The following TIAM2 variants were observed in gnomAD, a reference collection of about 807,000 sequenced individuals.
The protein encoded by TIAM2 is TIAM Rac1 associated GEF 2, also known as rho guanine nucleotide exchange factor TIAM2.
In TIAM2, 80 loss-of-function variants were observed where a neutral mutation model predicts 152.9. The observed-to-expected ratio is 0.52, with a 90% CI of 0.44 to 0.63. The LOEUF is 0.63. Among genes scored for constraint, TIAM2 ranks in the 30% least tolerant of loss-of-function variants. The pLI is 0.00. For missense variants in TIAM2, 1,965 were observed against 2,120.1 expected (o/e 0.93, Z 1.44); for synonymous variants, 804 against 838.0 (o/e 0.96, Z 0.70).
In TIAM2 at chr6:155,028,822, T is replaced by C. The variant is rs555601484; in HGVS notation, c.-209+33330T>C. ...TGTTATATACTATATATAATATATA[T>C]ACTGTGTTATATATATACTATGTTA... On this transcript the variant is annotated intron_variant, in intron 1 of 26. Coordinates refer to ENST00000682666, the MANE Select transcript of TIAM2 (RefSeq NM_012454.4). 6.7e-5 allele frequency among the ~76,000 whole-genome samples: 9 copies of C among 134,870 alleles called. No homozygotes were observed. The East Asian group carries it at 1.5e-3, about 22-fold the overall frequency. The allele number at this position is 134,870 out of a possible 152,430, so 88.5% of individuals were successfully genotyped here.
chr6:155,146,432 G>A (rs1392516700), intron 6 of TIAM2, among the ~76,000 whole-genome samples: 1 of 152,052 alleles, frequency 6.6e-6, no homozygotes, highest in Non-Finnish European at 1.5e-5. Flanking sequence ...TGATCCCAGA[G>A]GCCACTTGAG....
intron 14 of TIAM2, among the ~76,000 whole-genome samples, chr6:155,198,787 T>A (rs1781412189): frequency 6.6e-6 from 1 of 152,144 alleles, no homozygotes; most frequent in Non-Finnish European, 1.5e-5. Flanking sequence ...GATTTCTTCT[T>A]TATAAATCTG....
chr6:155,047,798 C>T (rs56024333), intron 1 of TIAM2, among the ~76,000 whole-genome samples: 4,761 of 151,492 alleles, frequency 0.031, 229 homozygotes, highest in African/African-American at 0.11. Flanking sequence ...ACTACTTTTT[C>T]TCTCTTCACT....
chr6:155,109,671 T>A (rs1039277938), intron 2 of TIAM2, among the ~76,000 whole-genome samples: 5 of 152,132 alleles, frequency 3.3e-5, no homozygotes, highest in African/African-American at 1.2e-4. Flanking sequence ...TCCATAGTAT[T>A]GTAGAGATAG....
At chr6:155,158,537 C>A (rs987631097) in intron 7 of TIAM2, among the ~76,000 whole-genome samples, 8 of 151,640 alleles carry the variant, frequency 5.3e-5, no homozygotes, top group African/African-American at 1.7e-4. Flanking sequence ...AAAGCTCAAT[C>A]TATATAGAAG....
chr6:155,129,894 C>T lies in TIAM2; in HGVS notation c.671C>T (p.Pro224Leu). The change falls in exon 4 of 27, where the codon CCC becomes CTC. Residue 224 changes from proline to leucine, a missense_variant. By Grantham distance (98) the Pro-to-Leu change is moderately conservative (BLOSUM62 -3). Around this residue, in one of 3 missense-constraint regions of TIAM2, gnomAD observed 1,025 missense variants for 1,119.4 expected, o/e 0.92. Transcript: ENST00000682666. This position sits in a 1 kb window ranked among gnomAD's most constrained non-coding sequence, Gnocchi z 4.8. Reference protein sequence around the residue: ...ARRGSSADSLPSHRPSPTDSR... With the variant: ...ARRGSSADSLLSHRPSPTDSR... ...AGGGGGTCCAGCGCCGATTCCCTGC[C>T]CAGCCATCGCCCCTCTCCCACGGAC... The T allele has an allele frequency of 1.2e-6, 2 of 1,613,848 alleles. No individual in the cohort carries two copies. The highest frequency in any genetic ancestry group is 1.7e-6 in the Non-Finnish European group (2 of 1,180,030).
At chr6:155,014,435 G>C (rs563557868) in intron 1 of TIAM2, among the ~76,000 whole-genome samples, 85 of 152,136 alleles carry the variant, frequency 5.6e-4, no homozygotes, top group Middle Eastern at 3.4e-3. Context: ...GTTTTGTTTA[G>C]TTCACCGTAG....
intron 14 of TIAM2, among the ~76,000 whole-genome samples, chr6:155,208,522 G>A (rs1170818113): frequency 6.6e-6 from 1 of 151,864 alleles, no homozygotes; most frequent in African/African-American, 2.4e-5. Flanking sequence ...TGGACTCCCC[G>A]ACCACTGAAA....
chr6:155,187,560 C>A (rs1357904449), intron 14 of TIAM2, among the ~76,000 whole-genome samples: 2 of 125,088 alleles, frequency 1.6e-5, no homozygotes, highest in African/African-American at 5.9e-5. Flanking sequence ...CCCCCCCTCC[C>A]CCACCCCGCC....
At chr6:155,145,393 T>C (rs1779798939) in intron 6 of TIAM2, among the ~76,000 whole-genome samples, 1 of 152,154 alleles carries the variant, frequency 6.6e-6, no homozygotes. Context: ...TTTGTTAGCG[T>C]TGAGTTTGTA....
chr6:155,253,169 A>G, intron 24 of TIAM2, 116 bp downstream of exon 24: 2 of 812,986 alleles, frequency 2.5e-6, no homozygotes, highest in Non-Finnish European at 4.0e-6. Context: ...TTTATAGACA[A>G]GGAAAATGAG....
chr6:155,155,553 T>C (rs1047066167), intron 7 of TIAM2, among the ~76,000 whole-genome samples: 1 of 151,480 alleles, frequency 6.6e-6, no homozygotes, highest in African/African-American at 2.4e-5. Context: ...CGGCTCACTG[T>C]AGCCTCTGCC....
intron 1 of TIAM2, among the ~76,000 whole-genome samples, chr6:155,089,234 TG>T (rs1161455497): frequency 2.2e-5 from 3 of 138,688 alleles, no homozygotes; most frequent in Non-Finnish European, 3.1e-5. Flanking sequence ...GGTGGGGGTG[TG>T]GGGGGATGGA....
intron 7 of TIAM2, among the ~76,000 whole-genome samples, chr6:155,157,562 C>T (rs144187823): frequency 6.6e-6 from 1 of 152,130 alleles, no homozygotes; most frequent in Non-Finnish European, 1.5e-5. Context: ...CTGTCTCGGC[C>T]TCTCAAAGTG....
chr6:155,225,377 C>A (rs921303236), intron 15 of TIAM2, among the ~76,000 whole-genome samples: 6 of 152,190 alleles, frequency 3.9e-5, no homozygotes, highest in Non-Finnish European at 5.9e-5. Flanking sequence ...CATTTGAGCA[C>A]CGAGGTCTTG....
chr6:155,132,270 A>T (rs1477836917), intron 4 of TIAM2, among the ~76,000 whole-genome samples: 3 of 148,030 alleles, frequency 2.0e-5, no homozygotes, highest in Non-Finnish European at 4.5e-5. Context: ...TAGACATAAA[A>T]TTATAAAATT....
At chr6:155,027,300 A>G (rs1776625222) in intron 1 of TIAM2, among the ~76,000 whole-genome samples, 1 of 150,060 alleles carries the variant, frequency 6.7e-6, no homozygotes. Context: ...TGTTGGGATT[A>G]CAGGCATGAG....
rs1329939046 is a variant in TIAM2 at position 155,114,184 on chromosome 6, G to A, written c.-117-13306G>A. On this transcript the variant is annotated intron_variant, in intron 2 of 26. Transcript: ENST00000682666. ...TTCTTGTGCCTCAGGCTCCTGAGTA[G>A]CTGGGATTACAGAGGCGTGCCACCA... Among the ~76,000 whole-genome samples, 4 of 149,626 alleles carry A rather than the reference G, an allele frequency of 2.7e-5. No homozygotes were observed. In the East Asian group the frequency reaches 5.9e-4, roughly 22 times the overall value.
At chr6:154,998,850 C>G (rs1045292851) in intron 1 of TIAM2, among the ~76,000 whole-genome samples, 1 of 152,114 alleles carries the variant, frequency 6.6e-6, no homozygotes, top group Non-Finnish European at 1.5e-5. Context: ...ATTCAAGTAC[C>G]TATAAGAACA....
Sources: allele counts gnomAD v4.1 joint callset (sites outside exome capture counted in the v4.1 genomes callset), GRCh38; gene constraint gnomAD v4.1.1; regional missense constraint gnomAD v4.1.1; non-coding constraint Gnocchi (gnomAD v3.1); transcripts MANE v1.5; gene names NCBI Gene and HGNC (gene_info 2026-07-23, HGNC 2026-07-21).